PKIB: variants seen among roughly 807,000 people sequenced by gnomAD.
PKIB encodes the protein PKI-beta.
Under a neutral mutation model 4.5 loss-of-function variants are expected in PKIB, and 2 were observed. The ratio of observed to expected loss-of-function variants is 0.44; its 90% CI spans 0.18 to 1.39. The LOEUF (loss-of-function observed/expected upper bound fraction) is 1.39. PKIB is among the 40% of genes most tolerant of loss of function. PKIB has a pLI of 0.27. For missense variants in PKIB, 94 were observed against 92.6 expected, an observed-to-expected ratio of 1.02 and a Z score of -0.06; for synonymous variants, 38 against 36.0, an observed-to-expected ratio of 1.06 and a Z score of -0.20.
chr6:122,549,342 A>C (rs1157492942), intron 2 of PKIB, among the ~76,000 whole-genome samples: 3 of 152,202 alleles, frequency 2.0e-5, no homozygotes, highest in Non-Finnish European at 4.4e-5. Flanking sequence ...ATTTTTTTCC[A>C]AGAAATTTTT....
chr6:122,725,000 T>C, intron 4 of PKIB, 128 bp from the exon 5 acceptor site: 1 of 672,136 alleles, frequency 1.5e-6, no homozygotes, highest in East Asian at 2.7e-5. Context: ...CTTCTTTGTA[T>C]AGTTTCCATA....
chr6:122,515,527 C>T (rs1244861892), intron 2 of PKIB, among the ~76,000 whole-genome samples: 1 of 152,092 alleles, frequency 6.6e-6, no homozygotes, highest in East Asian at 1.9e-4. Context: ...TTAAATACAA[C>T]ACAAACTTGA....
chr6:122,624,476 A>C (rs906494294), intron 1 of PKIB, among the ~76,000 whole-genome samples: 7 of 152,216 alleles, frequency 4.6e-5, no homozygotes, highest in Non-Finnish European at 8.8e-5. Context: ...GAAATCCTTA[A>C]AACTTAAAAG....
chr6:122,597,796 A>G (rs1239327949), intron 3 of PKIB, among the ~76,000 whole-genome samples: 1 of 152,148 alleles, frequency 6.6e-6, no homozygotes, highest in African/African-American at 2.4e-5. Context: ...AGCTGCAATT[A>G]TGCATTCTGG....
At position 122,563,025 on chromosome 6, in the gene PKIB, G is replaced by A. The variant is rs773878239; in HGVS notation, c.-247-22896G>A. Among the ~76,000 whole-genome samples, 39 of 152,088 alleles carry A rather than the reference G, an allele frequency of 2.6e-4. 1 individual carries two copies. Among genetic ancestry groups the A allele is most frequent in the Non-Finnish European group, 3.4e-4 (23 of 68,020 alleles). Reference sequence around the variant, plus strand: ...GGTGCACTACTGTGATTTTTCACGGGTGTTGAAGAGCTTTTTTTTGTCATA... The same window carrying A: ...GGTGCACTACTGTGATTTTTCACGGATGTTGAAGAGCTTTTTTTTGTCATA... On this transcript the variant is annotated intron_variant, in intron 2 of 6. Transcript: ENST00000392491.
intron 3 of PKIB, among the ~76,000 whole-genome samples, chr6:122,684,339 A>C (rs1778013606): frequency 6.6e-6 from 1 of 152,190 alleles, no homozygotes; most frequent in African/African-American, 2.4e-5. Flanking sequence ...ATCTCATGTT[A>C]AGTGTTATTT....
At chr6:122,509,531 C>T (rs748520480) in intron 2 of PKIB, among the ~76,000 whole-genome samples, 18 of 151,638 alleles carry the variant, frequency 1.2e-4, no homozygotes, top group African/African-American at 2.9e-4. Context: ...CCCAGGTTTG[C>T]GCCATTCTCC....
At chr6:122,589,627 TGTCCCTG>T (rs1482759432) in intron 3 of PKIB, among the ~76,000 whole-genome samples, 1 of 152,168 alleles carries the variant, frequency 6.6e-6, no homozygotes, top group Non-Finnish European at 1.5e-5. Context: ...AAGCTTAATA[TGTCCCTG>T]TTTGACATGA....
intron 2 of PKIB, among the ~76,000 whole-genome samples, chr6:122,521,803 C>G (rs1214263281): frequency 6.6e-6 from 1 of 152,160 alleles, no homozygotes; most frequent in Non-Finnish European, 1.5e-5. Flanking sequence ...GCTTCAAATG[C>G]CAAATGACCA....
chr6:122,672,045 A>G (rs779172632), intron 2 of PKIB, among the ~76,000 whole-genome samples: 1 of 152,206 alleles, frequency 6.6e-6, no homozygotes, highest in African/African-American at 2.4e-5. Flanking sequence ...CTGCAAGCAA[A>G]TACTGATTGT....
At chr6:122,493,780 T>C (rs1331267682) in intron 2 of PKIB, among the ~76,000 whole-genome samples, 1 of 152,144 alleles carries the variant, frequency 6.6e-6, no homozygotes, top group Non-Finnish European at 1.5e-5. Context: ...GTCTAGCTAG[T>C]CCAGTCTTTG....
intron 3 of PKIB, among the ~76,000 whole-genome samples, chr6:122,715,549 A>G (rs1208423721): frequency 6.6e-6 from 1 of 151,892 alleles, no homozygotes; most frequent in Non-Finnish European, 1.5e-5. Flanking sequence ...TTCAAACTAG[A>G]GAAGAACACT....
chr6:122,543,628 C>T (rs1278436797), intron 2 of PKIB, among the ~76,000 whole-genome samples: 3 of 151,940 alleles, frequency 2.0e-5, no homozygotes, highest in Non-Finnish European at 4.4e-5. Flanking sequence ...AATCTACCCA[C>T]CTCAGTCTCC....
At chr6:122,720,193 T>C (rs1779682632) in intron 4 of PKIB, among the ~76,000 whole-genome samples, 1 of 152,172 alleles carries the variant, frequency 6.6e-6, no homozygotes, top group Admixed American at 6.5e-5. Flanking sequence ...TTATTTTTAA[T>C]TTTTTTAATA....
intron 2 of PKIB, among the ~76,000 whole-genome samples, chr6:122,525,016 GT>G (rs1377230549): frequency 2.0e-5 from 3 of 149,698 alleles, no homozygotes; most frequent in African/African-American, 7.3e-5. Flanking sequence ...TTTGGGCTCA[GT>G]TTTTTTCCCC....
chr6:122,565,645 G>A (rs1202125355), intron 2 of PKIB, among the ~76,000 whole-genome samples: 1 of 152,096 alleles, frequency 6.6e-6, no homozygotes, highest in Non-Finnish European at 1.5e-5. Context: ...GTATAGCATG[G>A]ATGGACTACC....
chr6:122,697,815 G>C (rs889095479), intron 3 of PKIB, among the ~76,000 whole-genome samples: 6 of 152,204 alleles, frequency 3.9e-5, no homozygotes, highest in Admixed American at 3.9e-4. Context: ...TGAGTGCCTT[G>C]GTAACAATCT....
intron 2 of PKIB, among the ~76,000 whole-genome samples, chr6:122,485,023 T>G (rs1448237934): frequency 6.6e-6 from 1 of 152,168 alleles, no homozygotes; most frequent in Admixed American, 6.5e-5. Flanking sequence ...GTTGTTTCTG[T>G]ACCTCACTTC....
intron 2 of PKIB, among the ~76,000 whole-genome samples, chr6:122,485,258 AC>A (rs1775731826): frequency 6.7e-6 from 1 of 149,334 alleles, no homozygotes; most frequent in Non-Finnish European, 1.5e-5. Context: ...CTGTATTTTT[AC>A]TGAGAATAAA....
Sources: allele counts gnomAD v4.1 joint callset (sites outside exome capture counted in the v4.1 genomes callset), GRCh38; gene constraint gnomAD v4.1.1; transcripts MANE v1.5; gene names NCBI Gene and HGNC (gene_info 2026-07-23, HGNC 2026-07-21).